SLC25A31: variants seen among roughly 807,000 people sequenced by gnomAD.
SLC25A31 encodes the protein ADP/ATP translocase 4.
Under a neutral mutation model 36.2 loss-of-function variants are expected in SLC25A31, and 40 were observed. That is an observed-to-expected ratio of 1.10 (90% CI 0.86 to 1.44). The LOEUF is 1.44. Among genes scored for constraint, SLC25A31 ranks in the 40% most tolerant of loss-of-function variants. The pLI is 0.00. For missense variants in SLC25A31, 350 were observed against 397.1 expected, an observed-to-expected ratio of 0.88 and a Z score of 1.01; for synonymous variants, 143 against 149.7, an observed-to-expected ratio of 0.96 and a Z score of 0.32.
At chr4:127,744,565 A>G (rs766513143) in intron 1 of SLC25A31, 107 bp from the exon 2 acceptor site, 3 of 972,046 alleles carry the variant, frequency 3.1e-6, no homozygotes, top group Non-Finnish European at 2.8e-6. Flanking sequence ...TTTTTCTCAT[A>G]AGAAAGAGTA....
At chr4:127,748,129 A>G (rs1487838155) in intron 2 of SLC25A31, among the ~76,000 whole-genome samples, 1 of 152,196 alleles carries the variant, frequency 6.6e-6, no homozygotes, top group Admixed American at 6.5e-5. Context: ...GTCCCCTTCC[A>G]GAGATCAAAC....
intron 2 of SLC25A31, among the ~76,000 whole-genome samples, chr4:127,747,059 C>A (rs2148757004): frequency 6.6e-6 from 1 of 152,116 alleles, no homozygotes; most frequent in South Asian, 2.1e-4. Context: ...TTTTTGTCAG[C>A]TTTGTCAAAG....
intron 2 of SLC25A31, among the ~76,000 whole-genome samples, chr4:127,746,956 G>C (rs778922137): frequency 6.6e-6 from 1 of 152,098 alleles, no homozygotes; most frequent in Admixed American, 6.6e-5. Flanking sequence ...TATATATGGT[G>C]TAAGGAAGGA....
At chr4:127,745,867 G>C (rs1423312818) in intron 2 of SLC25A31, among the ~76,000 whole-genome samples, 1 of 152,082 alleles carries the variant, frequency 6.6e-6, no homozygotes, top group African/African-American at 2.4e-5. Flanking sequence ...GTAATCTCGT[G>C]TCACAGGGGT....
chr4:127,771,736 G>T (rs182999290), intron 5 of SLC25A31, among the ~76,000 whole-genome samples: 6 of 152,208 alleles, frequency 3.9e-5, no homozygotes, highest in Admixed American at 6.5e-5. Flanking sequence ...AACTGTGGGG[G>T]TTTTTTGTCA....
intron 3 of SLC25A31, among the ~76,000 whole-genome samples, chr4:127,764,980 A>G (rs964433666): frequency 7.9e-5 from 12 of 152,158 alleles, no homozygotes; most frequent in African/African-American, 2.4e-4. Context: ...TAAGATACCA[A>G]TTTGCTTACT....
chr4:127,757,582 G>A (rs1256497646), intron 2 of SLC25A31, among the ~76,000 whole-genome samples: 1 of 152,062 alleles, frequency 6.6e-6, no homozygotes, highest in Admixed American at 6.5e-5. Flanking sequence ...ATTGTGATTC[G>A]TGCTAAGATA....
chr4:127,730,962 G>A (rs75049623), intron 1 of SLC25A31, among the ~76,000 whole-genome samples, 185 bp downstream of exon 1: 2,077 of 152,258 alleles, frequency 0.014, 50 homozygotes, highest in African/African-American at 0.048. Context: ...CTTTTCCAGG[G>A]CCGCGTTGGT....
At chr4:127,749,493 C>T (rs886562985) in intron 2 of SLC25A31, among the ~76,000 whole-genome samples, 6 of 152,080 alleles carry the variant, frequency 3.9e-5, no homozygotes, top group Non-Finnish European at 8.8e-5. Flanking sequence ...GGCCTGTAAT[C>T]CCAGCACTTT....
chr4:127,772,146 T>C (rs531736371), intron 5 of SLC25A31, among the ~76,000 whole-genome samples: 1 of 152,336 alleles, frequency 6.6e-6, no homozygotes, highest in Admixed American at 6.5e-5. Context: ...TTCTGAAAGA[T>C]TGGAATTAAA....
chr4:127,751,151 C>T (rs1251715976), intron 2 of SLC25A31, among the ~76,000 whole-genome samples: 8 of 152,186 alleles, frequency 5.3e-5, no homozygotes, highest in Admixed American at 3.9e-4. Context: ...CTGGAGACAT[C>T]ACGCTACCTG....
At chr4:127,752,646 C>A (rs539900533) in intron 2 of SLC25A31, among the ~76,000 whole-genome samples, 36 of 151,428 alleles carry the variant, frequency 2.4e-4, no homozygotes, top group Admixed American at 3.9e-4. Context: ...ACAAAATAGA[C>A]TTTAAGTCAA....
chr4:127,752,354 G>A (rs1416281222), intron 2 of SLC25A31, among the ~76,000 whole-genome samples: 1 of 151,870 alleles, frequency 6.6e-6, no homozygotes, highest in Admixed American at 6.6e-5. Flanking sequence ...TCACTCATAG[G>A]TGGGAATTGA....
In SLC25A31 at chr4:127,769,165, A is replaced by G. The variant is rs527539556; in HGVS notation, c.759+288A>G. ...TGGCAGAAATTGGATGAATATGTCT[A>G]TCTTAACTGAAATATTAGATTAAGT... On this transcript the variant is annotated intron_variant, in intron 5 of 5. Coordinates refer to ENST00000281154, the MANE Select transcript of SLC25A31 (RefSeq NM_031291.4). 7.2e-5 allele frequency among the ~76,000 whole-genome samples: 11 copies of G among 152,304 alleles called. No homozygotes were observed. In the South Asian group the frequency reaches 2.1e-3, roughly 29 times the overall value.
At chr4:127,731,428 C>G (rs908906154) in intron 1 of SLC25A31, among the ~76,000 whole-genome samples, 1 of 151,886 alleles carries the variant, frequency 6.6e-6, no homozygotes, top group African/African-American at 2.4e-5. Flanking sequence ...TAAGGCCAGG[C>G]GCGGTGGCTC....
chr4:127,768,820 A>G lies in SLC25A31; in HGVS notation c.702A>G (p.Thr234=). 4 of 1,608,982 alleles carry G rather than the reference A, an allele frequency of 2.5e-6. No individual in the cohort carries two copies. Among genetic ancestry groups the G allele is most frequent in the Non-Finnish European group, 3.4e-6 (4 of 1,177,668 alleles). Residue 234 remains threonine (T), a synonymous_variant, in exon 5 of 6, where the codon ACA becomes ACG. Coordinates refer to ENST00000281154, the MANE Select transcript of SLC25A31 (RefSeq NM_031291.4). ...TTTTCATTGCTCAAGTTGTGACTAC[A>G]TGCTCTGGAATACTTTCTTATCCCT... is the stretch of plus-strand genomic sequence containing the variant. ...VSFFIAQVVT[T]CSGILSYPFD... is the part of the protein sequence containing the mutation.
chr4:127,737,524 G>A (rs533548193), intron 1 of SLC25A31, among the ~76,000 whole-genome samples: 15 of 151,504 alleles, frequency 9.9e-5, no homozygotes, highest in African/African-American at 3.1e-4. Context: ...TGTTCAGTAC[G>A]CTAATCAAAG....
intron 2 of SLC25A31, among the ~76,000 whole-genome samples, chr4:127,755,883 A>T (rs1333991352): frequency 6.6e-6 from 1 of 152,198 alleles, no homozygotes; most frequent in Non-Finnish European, 1.5e-5. Flanking sequence ...AAATACAAAA[A>T]TTAGCTGAGC....
At chr4:127,763,258 C>T (rs1578669691) in intron 2 of SLC25A31, among the ~76,000 whole-genome samples, 1 of 152,062 alleles carries the variant, frequency 6.6e-6, no homozygotes, top group South Asian at 2.1e-4. Flanking sequence ...AGAAGTAGAA[C>T]TTGAATTAGA....
Sources: gnomAD v4.1 joint callset for allele counts (sites outside exome capture counted in the v4.1 genomes callset) on GRCh38, gnomAD v4.1.1 for gene constraint, MANE v1.5 for transcripts, NCBI Gene and HGNC (gene_info 2026-07-23, HGNC 2026-07-21) for gene names.